PARVA: variants seen among roughly 807,000 people sequenced by gnomAD.
The protein encoded by PARVA is parvin alpha.
A neutral mutation model predicts 52.6 loss-of-function variants in PARVA; 25 were observed. That is an observed-to-expected ratio of 0.48 (90% CI 0.35 to 0.66). PARVA has a LOEUF of 0.66. Ranked by LOEUF, PARVA falls within the 30% of genes least tolerant of loss-of-function variation. PARVA has a pLI of 0.01. For missense variants in PARVA, 373 were observed against 450.9 expected, an observed-to-expected ratio of 0.83 and a Z score of 1.56; for synonymous variants, 185 against 179.1, an observed-to-expected ratio of 1.03 and a Z score of -0.26.
At chr11:12,524,028 A>G (rs1243255510) in intron 12 of PARVA, among the ~76,000 whole-genome samples, 1 of 152,152 alleles carries the variant, frequency 6.6e-6, no homozygotes, top group Non-Finnish European at 1.5e-5. Flanking sequence ...AGTGTCTCTG[A>G]CTGCTGTCTC....
intron 1 of PARVA, among the ~76,000 whole-genome samples, chr11:12,462,614 AAAG>A (rs1940799315): frequency 1.3e-5 from 2 of 152,198 alleles, no homozygotes; most frequent in African/African-American, 4.8e-5. Context: ...GTTATGCCGC[AAAG>A]TTTGTGATTT....
chr11:12,467,763 G>A (rs1052156428), intron 1 of PARVA, among the ~76,000 whole-genome samples: 1 of 152,218 alleles, frequency 6.6e-6, no homozygotes, highest in Non-Finnish European at 1.5e-5. Context: ...CCCTGAAGGA[G>A]AAAGAACATC....
chr11:12,429,618 G>A (rs1343860072), intron 1 of PARVA, among the ~76,000 whole-genome samples: 5 of 152,234 alleles, frequency 3.3e-5, no homozygotes, highest in Admixed American at 1.3e-4. Context: ...GATTTGATGC[G>A]TGGAATTTCA....
chr11:12,485,443 T>C (rs1334319636), intron 4 of PARVA, among the ~76,000 whole-genome samples: 1 of 152,100 alleles, frequency 6.6e-6, no homozygotes, highest in Non-Finnish European at 1.5e-5. Flanking sequence ...GCCTAGAGCA[T>C]CTTGCAGTAC....
At chr11:12,489,323 T>G (rs1941202641) in intron 4 of PARVA, among the ~76,000 whole-genome samples, 2 of 151,986 alleles carry the variant, frequency 1.3e-5, no homozygotes, top group Non-Finnish European at 2.9e-5. Context: ...AAATAGAACT[T>G]CTAGAAATGA....
chr11:12,461,438 C>T (rs1940778705), intron 1 of PARVA, among the ~76,000 whole-genome samples: 1 of 152,172 alleles, frequency 6.6e-6, no homozygotes, highest in African/African-American at 2.4e-5. Context: ...ACTTTTAAAC[C>T]AAGGAAATGG....
chr11:12,508,630 C>G lies in PARVA; in HGVS notation c.704C>G (p.Thr235Ser), dbSNP rs775110168. 6.2e-7 allele frequency: 1 copy of G among 1,607,238 alleles called. No homozygotes were observed. The highest frequency in any genetic ancestry group is 8.5e-7 in the Non-Finnish European group (1 of 1,176,254). ...TCTCGGCAAATCCAAGAGGAAATAACTGGTAACACAGAGTATGTCAACACC... is the reference window on the plus strand; with the variant it reads ...TCTCGGCAAATCCAAGAGGAAATAAGTGGTAACACAGAGTATGTCAACACC... ...LQSRQIQEEI[T>S]GNTEALSGRH... The change falls in exon 7 of 13, where the codon ACT becomes AGT. Residue 235 changes from threonine to serine, a missense_variant. Physicochemically the swap from Thr to Ser is moderately conservative, Grantham distance 58 (BLOSUM62 1). Transcript: ENST00000334956.
At chr11:12,408,102 G>A (rs997269267) in intron 1 of PARVA, among the ~76,000 whole-genome samples, 3 of 152,154 alleles carry the variant, frequency 2.0e-5, no homozygotes, top group African/African-American at 7.2e-5. Context: ...TCTAAGGTCT[G>A]CACCTTTGCT....
chr11:12,415,983 G>A (rs532102884), intron 1 of PARVA, among the ~76,000 whole-genome samples: 1 of 152,320 alleles, frequency 6.6e-6, no homozygotes, highest in African/African-American at 2.4e-5. Context: ...CTTATTGGGG[G>A]CAGAAAGTTT....
chr11:12,433,426 A>G (rs1940342395), intron 1 of PARVA, among the ~76,000 whole-genome samples: 1 of 152,230 alleles, frequency 6.6e-6, no homozygotes, highest in Admixed American at 6.5e-5. Flanking sequence ...TAAGTGAGAG[A>G]ATCAGCAATG....
intron 1 of PARVA, among the ~76,000 whole-genome samples, chr11:12,381,639 C>G (rs1459223365): frequency 6.6e-6 from 1 of 152,214 alleles, no homozygotes; most frequent in African/African-American, 2.4e-5. Flanking sequence ...AGAAGCCTTA[C>G]TGATAATGGT....
At chr11:12,466,898 G>GAATC (rs1182821719) in intron 1 of PARVA, among the ~76,000 whole-genome samples, 1 of 152,048 alleles carries the variant, frequency 6.6e-6, no homozygotes, top group African/African-American at 2.4e-5. Flanking sequence ...GTAAACTTTA[G>GAATC]AATCAGTTTG....
intron 1 of PARVA, among the ~76,000 whole-genome samples, chr11:12,402,445 G>C (rs1287216730): frequency 6.6e-6 from 1 of 152,226 alleles, no homozygotes; most frequent in African/African-American, 2.4e-5. Flanking sequence ...TGTTAACTAA[G>C]GTTGATGGGT....
At chr11:12,514,636 C>T (rs535689899) in intron 10 of PARVA, among the ~76,000 whole-genome samples, 89 of 152,224 alleles carry the variant, frequency 5.8e-4, no homozygotes, top group African/African-American at 1.9e-3. Flanking sequence ...TACAGGCATG[C>T]GCCACCAAGC....
chr11:12,493,318 T>C (rs1311688349), intron 4 of PARVA, among the ~76,000 whole-genome samples: 1 of 147,924 alleles, frequency 6.8e-6, no homozygotes, highest in African/African-American at 2.5e-5. Context: ...ATTGTGCCAC[T>C]GCACTCCAGC....
At chr11:12,449,276 C>T (rs1305476004) in intron 1 of PARVA, among the ~76,000 whole-genome samples, 1 of 152,088 alleles carries the variant, frequency 6.6e-6, no homozygotes, top group African/African-American at 2.4e-5. Context: ...GCCTCAGCCT[C>T]CCTCCACGGT....
chr11:12,428,720 A>T (rs1433823201), intron 1 of PARVA, among the ~76,000 whole-genome samples: 1 of 152,186 alleles, frequency 6.6e-6, no homozygotes, highest in Non-Finnish European at 1.5e-5. Flanking sequence ...TGACTAGCGG[A>T]GCAAATACAA....
At chr11:12,461,071 A>C (rs1940771973) in intron 1 of PARVA, among the ~76,000 whole-genome samples, 1 of 152,144 alleles carries the variant, frequency 6.6e-6, no homozygotes, top group Admixed American at 6.5e-5. Flanking sequence ...ATAAGTGCTT[A>C]TCAGGTACCT....
At chr11:12,475,778 C>T (rs1260224523) in intron 3 of PARVA, among the ~76,000 whole-genome samples, 1 of 152,210 alleles carries the variant, frequency 6.6e-6, no homozygotes, top group Non-Finnish European at 1.5e-5. Flanking sequence ...CCCTTGCTCC[C>T]CTGGATCACA....
Sources: allele counts gnomAD v4.1 joint callset (sites outside exome capture counted in the v4.1 genomes callset), GRCh38; gene constraint gnomAD v4.1.1; transcripts MANE v1.5; gene names NCBI Gene and HGNC (gene_info 2026-07-23, HGNC 2026-07-21).